The following SH3BP4 variants were observed in gnomAD, a reference collection of about 807,000 sequenced individuals.
SH3BP4 encodes the protein SH3 domain-binding protein 4.
Under a neutral mutation model 65.5 loss-of-function variants are expected in SH3BP4, and 33 were observed. The observed-to-expected ratio is 0.50, with a 90% CI of 0.38 to 0.67. The LOEUF is 0.67. Among genes scored for constraint, SH3BP4 ranks in the 30% least tolerant of loss-of-function variants. The probability of loss-of-function intolerance (pLI) is 0.00; values close to 1 mark genes in which losing one functional copy is unlikely to be tolerated. For synonymous variants in SH3BP4, 552 were observed against 545.5 expected (o/e 1.01, Z -0.17); for missense variants, 1,134 against 1,261.4 (o/e 0.90, Z 1.53).
Position 235,030,837 on chromosome 2 carries a change from G to T in SH3BP4, c.-132-4034G>T, listed in dbSNP as rs556248578. On this transcript the variant is annotated intron_variant, in intron 2 of 5. Transcript: ENST00000392011. This position sits in a 1 kb window ranked among gnomAD's most constrained non-coding sequence, Gnocchi z 4.1. ...GGTGTGACTCCACCTGCTCAGGAAG[G>T]TTTTGGGAGTGGAGAGCCCTCTGCA... 2.0e-5 allele frequency among the ~76,000 whole-genome samples: 3 copies of T among 152,292 alleles called. No homozygotes were observed. The South Asian group carries it at 6.2e-4, about 32-fold the overall frequency.
At chr2:234,987,836 C>T (rs191215894) in intron 1 of SH3BP4, among the ~76,000 whole-genome samples, 19 of 152,180 alleles carry the variant, frequency 1.2e-4, no homozygotes, top group African/African-American at 3.9e-4. Context: ...AAGGAAAAGC[C>T]GAGTGTGCAT....
chr2:235,014,867 C>CTT (rs1247133684), intron 2 of SH3BP4, among the ~76,000 whole-genome samples: 2 of 152,192 alleles, frequency 1.3e-5, no homozygotes, highest in African/African-American at 4.8e-5. Flanking sequence ...GGGATGAGGA[C>CTT]TTCAGCATCT....
At position 234,974,699 on chromosome 2, in the gene SH3BP4, GCTCT is replaced by G. The variant is rs1198987668; in HGVS notation, c.-206-20601_-206-20598del. The stretch of plus-strand genomic sequence containing the variant: ...AGCCCGCGGCCCAGGGCGTTCACAA[GCTCT>G]CTTAGTTCCGAAAAATCGAGGGGTT... On this transcript the variant is annotated intron_variant, in intron 1 of 5. Transcript: ENST00000392011. The surrounding 1 kb of genome is among the most constrained non-coding windows in gnomAD (Gnocchi z 4.6). Among the ~76,000 whole-genome samples the G allele has an allele frequency of 6.6e-6, 1 of 152,238 alleles. No individual in the cohort carries two copies. The highest frequency in any genetic ancestry group is 1.9e-4 in the East Asian group (1 of 5,190).
Position 235,041,995 on chromosome 2 carries a change from G to C in SH3BP4, c.1226G>C (p.Ser409Thr). ...ATAAAAAATGACCTTTTTAGCAAAAGCACAGTGGGCCTCCAGTGCCTGAGG... is the reference window on the plus strand; with the variant it reads ...ATAAAAAATGACCTTTTTAGCAAAACCACAGTGGGCCTCCAGTGCCTGAGG... ...AEIKNDLFSK[S>T]TVGLQCLRSD... Residue 409 changes from serine to threonine, a missense_variant, in exon 4 of 6, where the codon AGC (serine) becomes ACC (threonine). Physicochemically the swap from Ser to Thr is moderately conservative, Grantham distance 58. Transcript: ENST00000392011. The surrounding 1 kb of genome is among the most constrained non-coding windows in gnomAD (Gnocchi z 6.0). The C allele has an allele frequency of 6.2e-7, 1 of 1,613,750 alleles. No individual in the cohort carries two copies. The highest frequency in any genetic ancestry group is 8.5e-7 in the Non-Finnish European group (1 of 1,179,772).
intron 1 of SH3BP4, among the ~76,000 whole-genome samples, chr2:234,968,074 C>G (rs1692884871): frequency 6.6e-6 from 1 of 152,170 alleles, no homozygotes; most frequent in African/African-American, 2.4e-5. Context: ...CAGTCCGTAG[C>G]TGATGGAATG....
chr2:234,955,615 G>A (rs978472522), intron 1 of SH3BP4, among the ~76,000 whole-genome samples: 3 of 152,098 alleles, frequency 2.0e-5, no homozygotes, highest in Admixed American at 2.0e-4. Context: ...TTTTAAGAAG[G>A]GTAAAATCCC....
chr2:235,042,899 G>A lies in SH3BP4; in HGVS notation c.2130G>A (p.Arg710=), dbSNP rs772774704. The A allele has an allele frequency of 1.9e-6, 3 of 1,613,468 alleles. No individual in the cohort carries two copies. Among genetic ancestry groups the A allele is most frequent in the Admixed American group, 3.3e-5 (2 of 60,024 alleles). The change falls in exon 4 of 6, where the codon AGG becomes AGA. Residue 710 remains arginine (R), a synonymous_variant. Transcript: ENST00000392011. This position sits in a 1 kb window ranked among gnomAD's most constrained non-coding sequence, Gnocchi z 7.3. ...KEWYIGYYQG[R]VGLVHTKNVL... ...GGTACATCGGCTACTACCAGGGCAG[G>A]GTGGGCCTCGTGCACACCAAGAACG... is the stretch of plus-strand genomic sequence containing the variant.
rs200515237 is a variant in SH3BP4 at position 235,042,051 on chromosome 2, G to A, written c.1282G>A (p.Val428Ile). The A allele has an allele frequency of 3.2e-5, 52 of 1,614,064 alleles. No homozygotes were observed. In the South Asian group the frequency reaches 4.2e-4, roughly 13 times the overall value. ...CTCGAAGGAAGGGCCATATGTCTCC[G>A]TCCCGCTCAACTGCAGCTGTGGGGA... ...SDSKEGPYVS[V>I]PLNCSCGDTV... Residue 428 changes from valine to isoleucine, a missense_variant, in exon 4 of 6, where the codon GTC (valine) becomes ATC (isoleucine). Coordinates refer to ENST00000392011, the MANE Select transcript of SH3BP4 (RefSeq NM_014521.3). The surrounding 1 kb of genome is among the most constrained non-coding windows in gnomAD (Gnocchi z 7.3).
intron 5 of SH3BP4, among the ~76,000 whole-genome samples, chr2:235,053,249 G>T (rs1162247122): frequency 1.3e-5 from 2 of 152,206 alleles, no homozygotes; most frequent in Non-Finnish European, 2.9e-5. Flanking sequence ...CAGGAAGCAG[G>T]AAGTCCCAAG....
chr2:235,038,072 A>G (rs926783632), intron 3 of SH3BP4, among the ~76,000 whole-genome samples: 2 of 150,244 alleles, frequency 1.3e-5, no homozygotes, highest in African/African-American at 4.9e-5. Context: ...GCCTTGTACG[A>G]GGCCCAGGGA....
At chr2:234,953,665 T>C (rs1429897185) in intron 1 of SH3BP4, among the ~76,000 whole-genome samples, 1 of 152,194 alleles carries the variant, frequency 6.6e-6, no homozygotes, top group Non-Finnish European at 1.5e-5. Context: ...CATCCGTGGA[T>C]GGACAGCGGC....
chr2:234,961,541 G>A (rs1692715677), intron 1 of SH3BP4, among the ~76,000 whole-genome samples: 1 of 152,132 alleles, frequency 6.6e-6, no homozygotes, highest in African/African-American at 2.4e-5. Context: ...CCGGGTGCTG[G>A]GATTACAGGT....
intron 2 of SH3BP4, among the ~76,000 whole-genome samples, chr2:235,024,230 A>G (rs1371109542): frequency 2.6e-5 from 4 of 152,236 alleles, no homozygotes; most frequent in Non-Finnish European, 5.9e-5. Flanking sequence ...GCTGAGAGGC[A>G]GAGGCTAAAA....
rs1325338908 is a variant in SH3BP4 at position 234,976,581 on chromosome 2, C to T, written c.-206-18722C>T. 6.6e-6 allele frequency among the ~76,000 whole-genome samples: 1 copy of T among 152,044 alleles called. No individual in the cohort carries two copies. Among genetic ancestry groups the T allele is most frequent in the Non-Finnish European group, 1.5e-5 (1 of 68,022 alleles). ...CCGCCTCTGGTAGCGGACATAGGGG[C>T]ATCTCTGAGCAGAGCAAGCAGGGGC... is the stretch of plus-strand genomic sequence containing the variant. On this transcript the variant is annotated intron_variant, in intron 1 of 5. Coordinates refer to ENST00000392011, the MANE Select transcript of SH3BP4 (RefSeq NM_014521.3). This position sits in a 1 kb window ranked among gnomAD's most constrained non-coding sequence, Gnocchi z 4.7.
At chr2:234,959,164 G>T (rs1259993067) in intron 1 of SH3BP4, among the ~76,000 whole-genome samples, 1 of 152,188 alleles carries the variant, frequency 6.6e-6, no homozygotes. Context: ...CAATTCAGCA[G>T]ACTCACTTGC....
At chr2:235,005,014 G>A (rs1227471107) in intron 2 of SH3BP4, among the ~76,000 whole-genome samples, 26 of 152,230 alleles carry the variant, frequency 1.7e-4, no homozygotes, top group Admixed American at 1.7e-3. Context: ...GCATGGACCA[G>A]CAAGGGTCGC....
In SH3BP4 at chr2:235,042,491, C is replaced by T; in HGVS notation, c.1722C>T (p.Phe574=). 6.2e-7 allele frequency: 1 copy of T among 1,614,124 alleles called. No individual in the cohort carries two copies. The highest frequency in any genetic ancestry group is 8.5e-7 in the Non-Finnish European group (1 of 1,180,010). Residue 574 remains phenylalanine (F), a synonymous_variant, in exon 4 of 6, where the codon TTC becomes TTT. Transcript: ENST00000392011. This position sits in a 1 kb window ranked among gnomAD's most constrained non-coding sequence, Gnocchi z 7.3. ...TGGGCAAGGTGAGCCGCCTGATCTT[C>T]CCCATCACCTCCCAGAACCCCAACG... ...LKLGKVSRLI[F]PITSQNPNEL...
At position 235,040,885 on chromosome 2, in the gene SH3BP4, C is replaced by T; in HGVS notation, c.119-3C>T. ...CCATCTGTTTTCTTTGTGTTTTGCA[C>T]AGTGCCTTCTCCCAGTGCCTTGCTC... On this transcript the variant is annotated splice_region_variant and splice_polypyrimidine_tract_variant and intron_variant, in intron 3 of 5. Transcript: ENST00000392011. 2 of 1,607,478 alleles carry T rather than the reference C, an allele frequency of 1.2e-6. No homozygotes were observed. Among genetic ancestry groups the T allele is most frequent in the South Asian group, 1.1e-5 (1 of 90,872 alleles).
intron 1 of SH3BP4, among the ~76,000 whole-genome samples, chr2:234,993,727 A>G (rs937388081): frequency 4.6e-5 from 7 of 152,212 alleles, no homozygotes; most frequent in African/African-American, 1.7e-4. Context: ...GAGAACGAGT[A>G]CTTTGAGAGA....
Sources: allele counts gnomAD v4.1 joint callset (sites outside exome capture counted in the v4.1 genomes callset), GRCh38; gene constraint gnomAD v4.1.1; non-coding constraint Gnocchi (gnomAD v3.1); transcripts MANE v1.5; gene names NCBI Gene and HGNC (gene_info 2026-07-23, HGNC 2026-07-21).